The following CCDC136 variants were observed in gnomAD, a reference collection of about 807,000 sequenced individuals.
CCDC136 encodes the protein coiled-coil domain-containing protein 136.
CCDC136 carries 100 observed loss-of-function variants against 141.2 expected under a neutral mutation model. The ratio of observed to expected loss-of-function variants is 0.71; its 90% CI spans 0.60 to 0.84. CCDC136 has a LOEUF of 0.84. CCDC136 is among the 40% of genes least tolerant of loss of function. CCDC136 has a pLI of 0.00. For missense variants in CCDC136, 1,206 were observed against 1,379.4 expected (o/e 0.87, Z 1.99); for synonymous variants, 474 against 531.9 (o/e 0.89, Z 1.50).
At chr7:128,809,929 A>C (rs1426911512) in intron 11 of CCDC136, among the ~76,000 whole-genome samples, 5 of 152,228 alleles carry the variant, frequency 3.3e-5, no homozygotes, top group Non-Finnish European at 5.9e-5. Context: ...GCCACTTTGT[A>C]AACTACAAAA....
At position 128,815,859 on chromosome 7, in the gene CCDC136, G is replaced by C; in HGVS notation, c.3291G>C (p.Glu1097Asp). 2 of 1,613,638 alleles carry C rather than the reference G, an allele frequency of 1.2e-6. No individual in the cohort carries two copies. The highest frequency in any genetic ancestry group is 2.2e-5 in the South Asian group (2 of 90,984). The change falls in exon 16 of 18, where the codon GAG becomes GAC. Residue 1097 changes from glutamate (E) to aspartate (D), a missense_variant. Glu to Asp is a conservative substitution (Grantham distance 45). Transcript: ENST00000297788. ...AGAAGGAAGAAGACAGTGAAGAGGA[G>C]GAGGATGACGCCGACTCTTCCCTTG... The part of the protein sequence containing the change: ...EEEKEEDSEE[E>D]EDDADSSLES...
In CCDC136 at chr7:128,801,418, G is replaced by C; in HGVS notation, c.579G>C (p.Glu193Asp). ...EDMERIRGDY[E>D]MEIASLRAEM... The stretch of plus-strand genomic sequence containing the variant: ...TGGAACGCATTCGGGGAGATTATGA[G>C]ATGGAGATCGCCTCCCTCCGTGCAG... Residue 193 changes from glutamate (E) to aspartate (D), a missense_variant, in exon 4 of 18, where the codon GAG (glutamate) becomes GAC (aspartate). Transcript: ENST00000297788. The C allele has an allele frequency of 6.2e-7, 1 of 1,613,470 alleles. No homozygotes were observed. Among genetic ancestry groups the C allele is most frequent in the African/African-American group, 1.3e-5 (1 of 75,020 alleles).
chr7:128,809,731 G>A (rs1442200978), intron 11 of CCDC136, 87 bp downstream of exon 11: 5 of 1,056,964 alleles, frequency 4.7e-6, no homozygotes, highest in Non-Finnish European at 6.7e-6. Flanking sequence ...AAAGGGTGGG[G>A]ATTGAACTTT....
intron 4 of CCDC136, 78 bp from the exon 5 acceptor site, chr7:128,804,572 A>G: frequency 3.6e-6 from 3 of 841,176 alleles, no homozygotes; most frequent in Non-Finnish European, 5.9e-6. Context: ...CTCAGGTTTC[A>G]AGACAGGAAA....
At chr7:128,812,980 A>G (rs1362433294) in intron 14 of CCDC136, 51 bp downstream of exon 14, 7 of 1,306,052 alleles carry the variant, frequency 5.4e-6, no homozygotes, top group Non-Finnish European at 7.6e-6. Flanking sequence ...CTGGAGCCAT[A>G]GAGGTCATGG....
Position 128,810,223 on chromosome 7 carries a change from A to G in CCDC136, c.1885A>G (p.Ile629Val), listed in dbSNP as rs1408556784. 1.9e-6 allele frequency: 3 copies of G among 1,612,526 alleles called. No individual in the cohort carries two copies. In the Admixed American group the frequency reaches 5.0e-5, roughly 27 times the overall value. The change falls in exon 12 of 18, where the codon ATA becomes GTA. Residue 629 changes from isoleucine (I) to valine (V), a missense_variant. Transcript: ENST00000297788. The stretch of plus-strand genomic sequence containing the variant: ...CATGCAGGAGGAACAGAAGAAGCTG[A>G]TACAGAACCAAGACTGTGTATTAAA... ...QGMQEEQKKL[I>V]QNQDCVLKEQ...
At position 128,817,120 on chromosome 7, in the gene CCDC136, A is replaced by G. The variant is rs1179905439; in HGVS notation, c.3364-638A>G. 6.6e-5 allele frequency among the ~76,000 whole-genome samples: 10 copies of G among 152,282 alleles called. No homozygotes were observed. Among genetic ancestry groups the G allele is most frequent in the South Asian group, 4.1e-4 (2 of 4,820 alleles). The stretch of plus-strand genomic sequence containing the variant: ...TACTTCAAATATATTCTATGTTTCT[A>G]TATATGGAGAGATCCCTTTGCCCCG... On this transcript the variant is annotated intron_variant, in intron 16 of 17. Transcript: ENST00000297788. The surrounding 1 kb of genome is among the most constrained non-coding windows in gnomAD (Gnocchi z 4.6).
chr7:128,801,133 T>C (rs1467866330), intron 3 of CCDC136, 53 bp from the exon 4 acceptor site: 3 of 1,369,268 alleles, frequency 2.2e-6, no homozygotes, highest in Non-Finnish European at 3.1e-6. Context: ...CTCTAGAACA[T>C]GGTAGGTTAG....
intron 9 of CCDC136, 47 bp from the exon 10 acceptor site, chr7:128,807,313 C>G (rs1192756363): frequency 4.4e-6 from 6 of 1,355,140 alleles, no homozygotes; most frequent in African/African-American, 1.5e-5. Context: ...GAGAGTCCAG[C>G]AGCAGGAGTG....
In CCDC136 at chr7:128,794,277, T is replaced by G; in HGVS notation, c.17-71T>G. 6.5e-7 allele frequency: 1 copy of G among 1,548,096 alleles called. No individual in the cohort carries two copies. Reference sequence around the variant, plus strand: ...TCATCTCTGCCCTGGCATAGTGAGTTTGAGGGCCCTGGAAGGACGGCAGAA... The same window carrying G: ...TCATCTCTGCCCTGGCATAGTGAGTGTGAGGGCCCTGGAAGGACGGCAGAA... On this transcript the variant is annotated intron_variant, in intron 1 of 17. Coordinates refer to ENST00000297788, the MANE Select transcript of CCDC136 (RefSeq NM_022742.5). This position sits in a 1 kb window ranked among gnomAD's most constrained non-coding sequence, Gnocchi z 4.3.
rs1158701083 is a variant in CCDC136, at chr7:128,815,932, G to A, written c.3363+1G>A. ...CCTCAGACTTTCCGAGAGCAAAAAG[G>A]TAACCAGAGCCAAAGCCTAGATCAA... On this transcript the variant is annotated splice_donor_variant, in intron 16 of 17. Transcript: ENST00000297788. LOFTEE classifies it high-confidence loss of function. 1.9e-5 allele frequency: 30 copies of A among 1,608,078 alleles called. No homozygotes were observed. The highest frequency in any genetic ancestry group is 3.4e-5 in the Admixed American group (2 of 59,036).
chr7:128,819,734 T>C (rs1807181168), intron 17 of CCDC136, among the ~76,000 whole-genome samples: 1 of 152,126 alleles, frequency 6.6e-6, no homozygotes, highest in Admixed American at 6.6e-5. Flanking sequence ...AGTCAGATTA[T>C]AAGGACTCAA....
intron 3 of CCDC136, among the ~76,000 whole-genome samples, chr7:128,795,847 A>G (rs1802862379): frequency 6.6e-6 from 1 of 152,238 alleles, no homozygotes; most frequent in African/African-American, 2.4e-5. Flanking sequence ...GAGACAGACC[A>G]CATCTCTGCC....
intron 15 of CCDC136, among the ~76,000 whole-genome samples, 175 bp from the exon 16 acceptor site, chr7:128,815,439 G>A (rs1806439015): frequency 6.6e-6 from 1 of 152,118 alleles, no homozygotes; most frequent in South Asian, 2.1e-4. Flanking sequence ...GAGGTGAGGT[G>A]TGATGCCCTC....
Position 128,810,244 on chromosome 7 carries a change from T to C in CCDC136, c.1906T>C (p.Leu636=), listed in dbSNP as rs777121867. The C allele has an allele frequency of 1.4e-5, 22 of 1,613,376 alleles. No individual in the cohort carries two copies. In the East Asian group the frequency reaches 4.2e-4, roughly 31 times the overall value. Residue 636 remains leucine, a synonymous_variant, in exon 12 of 18, where the codon TTA becomes CTA. Transcript: ENST00000297788. ...KKLIQNQDCV[L]KEQLEIHEEL... ...GCTGATACAGAACCAAGACTGTGTA[T>C]TAAAAGAACAATTAGAGATCCACGA...
intron 1 of CCDC136, 128 bp downstream of exon 1, chr7:128,792,555 T>C (rs762706394): frequency 2.9e-4 from 193 of 669,290 alleles, no homozygotes; most frequent in Non-Finnish European, 3.7e-4. Flanking sequence ...TAGCCCCTCT[T>C]CCTGCAGCTC....
chr7:128,808,574 A>G (rs1190374133), intron 10 of CCDC136: 2 of 985,336 alleles, frequency 2.0e-6, no homozygotes, highest in Non-Finnish European at 2.4e-6. Context: ...GAAGAGGCCC[A>G]AGAGTCTCTA....
At chr7:128,790,901 C>G (rs539819472), upstream of CCDC136, 1 of 152,378 alleles carries the variant, frequency 6.6e-6, no homozygotes, top group African/African-American at 2.4e-5. The surrounding 1 kb of genome is among the most constrained non-coding windows in gnomAD (Gnocchi z 5.4). Context: ...CTTCCCTCCT[C>G]CGGCCCCCAG....
chr7:128,809,591 G>A lies in CCDC136; in HGVS notation c.1747G>A (p.Glu583Lys). 6.4e-7 allele frequency: 1 copy of A among 1,566,240 alleles called. No individual in the cohort carries two copies. The highest frequency in any genetic ancestry group is 8.6e-7 in the Non-Finnish European group (1 of 1,156,128). ...RMQEEQGQLQEELHRLTLPLP... is the reference protein window; with the variant it reads ...RMQEEQGQLQKELHRLTLPLP... Reference sequence around the variant, plus strand: ...GCAGGAGGAGCAGGGCCAGCTGCAGGAAGAGCTGCACAGGCTCACACTGCC... The same window carrying A: ...GCAGGAGGAGCAGGGCCAGCTGCAGAAAGAGCTGCACAGGCTCACACTGCC... The change falls in exon 11 of 18, where the codon GAA (glutamate) becomes AAA (lysine). Residue 583 changes from glutamate (E) to lysine (K), a missense_variant. Coordinates refer to ENST00000297788, the MANE Select transcript of CCDC136 (RefSeq NM_022742.5).
Sources: gnomAD v4.1 joint callset for allele counts (sites outside exome capture counted in the v4.1 genomes callset) on GRCh38, gnomAD v4.1.1 for gene constraint, Gnocchi (gnomAD v3.1) non-coding constraint, MANE v1.5 for transcripts, NCBI Gene and HGNC (gene_info 2026-07-23, HGNC 2026-07-21) for gene names.